HDAC9: variants seen among roughly 807,000 people sequenced by gnomAD.
HDAC9 encodes the protein histone deacetylase 9.
Under a neutral mutation model 139.4 loss-of-function variants are expected in HDAC9, and 41 were observed. The ratio of observed to expected loss-of-function variants is 0.29; its 90% CI spans 0.23 to 0.38. The LOEUF is 0.38. Ranked by LOEUF, HDAC9 falls within the 10% of genes least tolerant of loss-of-function variation. The pLI, the probability that HDAC9 is intolerant of heterozygous loss-of-function variation, is 1.00. For synonymous variants in HDAC9, 517 were observed against 476.2 expected (o/e 1.09, Z -1.12); for missense variants, 1,147 against 1,297.0 (o/e 0.88, Z 1.78).
At chr7:18,416,854 T>C (rs982606985) in intron 1 of HDAC9, among the ~76,000 whole-genome samples, 2 of 152,158 alleles carry the variant, frequency 1.3e-5, no homozygotes, top group African/African-American at 4.8e-5. Context: ...TTTGTCTCTT[T>C]GTGTGTGATT....
At chr7:18,367,546 A>G (rs1784282459) in intron 1 of HDAC9, among the ~76,000 whole-genome samples, 1 of 152,112 alleles carries the variant, frequency 6.6e-6, no homozygotes, top group Admixed American at 6.6e-5. Flanking sequence ...CTGCACTTTA[A>G]TATTTCTTCC....
At chr7:18,237,116 T>A (rs762261521) in intron 2 of HDAC9, among the ~76,000 whole-genome samples, 2 of 152,188 alleles carry the variant, frequency 1.3e-5, no homozygotes, top group Non-Finnish European at 2.9e-5. Context: ...GTCCCGCATC[T>A]TTGGCAGGCT....
At chr7:18,800,464 A>C (rs995031055) in intron 17 of HDAC9, among the ~76,000 whole-genome samples, 1 of 152,176 alleles carries the variant, frequency 6.6e-6, no homozygotes, top group African/African-American at 2.4e-5. Context: ...TTTTTAGATG[A>C]TTGAGTCTAT....
chr7:18,640,642 A>G (rs377204319), intron 8 of HDAC9, among the ~76,000 whole-genome samples: 1 of 151,776 alleles, frequency 6.6e-6, no homozygotes, highest in Non-Finnish European at 1.5e-5. Flanking sequence ...TACATCATAT[A>G]TATTTTTTAC....
At chr7:18,175,857 T>G (rs1399156985) in intron 2 of HDAC9, among the ~76,000 whole-genome samples, 1 of 146,472 alleles carries the variant, frequency 6.8e-6, no homozygotes, top group South Asian at 2.3e-4. Context: ...TCCTCACATA[T>G]CATTGCATAA....
chr7:18,399,450 T>C (rs1787340865), intron 1 of HDAC9, among the ~76,000 whole-genome samples: 1 of 152,146 alleles, frequency 6.6e-6, no homozygotes, highest in Non-Finnish European at 1.5e-5. Flanking sequence ...TTCAGCTAAA[T>C]TTAGATTTTA....
chr7:18,544,961 A>T (rs539204992), intron 2 of HDAC9, among the ~76,000 whole-genome samples: 1 of 152,182 alleles, frequency 6.6e-6, no homozygotes, highest in African/African-American at 2.4e-5. Context: ...TTGGTTGTCA[A>T]AACTGAGCGG....
intron 2 of HDAC9, among the ~76,000 whole-genome samples, chr7:18,229,993 G>C (rs903151394): frequency 1.2e-4 from 19 of 152,144 alleles, no homozygotes; most frequent in African/African-American, 3.9e-4. Context: ...GAGAAAAATA[G>C]TGGCATTTCC....
At position 18,157,296 on chromosome 7, in the gene HDAC9, A is replaced by G. The variant is rs1787284992; in HGVS notation, c.-96-4933A>G. ...CCTCGGTAGTAGCTAATAATGTTGA[A>G]CATCACTCTAGGAGTAATCACAGAT... On this transcript the variant is annotated intron_variant, in intron 1 of 12. Coordinates refer to the HDAC9 transcript ENST00000417496. 2.0e-5 allele frequency among the ~76,000 whole-genome samples: 3 copies of G among 152,160 alleles called. No homozygotes were observed. In the South Asian group the frequency reaches 6.2e-4, roughly 32 times the overall value.
At chr7:18,932,010 G>A (rs916281847) in intron 22 of HDAC9, among the ~76,000 whole-genome samples, 3 of 152,204 alleles carry the variant, frequency 2.0e-5, no homozygotes, top group Non-Finnish European at 1.5e-5. Context: ...TAATGCATCG[G>A]TACTGGCTTA....
chr7:18,875,888 A>G (rs1365154959), intron 22 of HDAC9, among the ~76,000 whole-genome samples: 3 of 152,162 alleles, frequency 2.0e-5, no homozygotes, highest in African/African-American at 7.2e-5. Context: ...TCAAGTTGAG[A>G]TAAACCCAAA....
intron 2 of HDAC9, among the ~76,000 whole-genome samples, chr7:18,558,923 C>T (rs948444213): frequency 3.3e-5 from 5 of 152,180 alleles, no homozygotes; most frequent in Non-Finnish European, 7.3e-5. Context: ...TGTTCCATAG[C>T]TGCTTTGCCA....
intron 2 of HDAC9, among the ~76,000 whole-genome samples, chr7:18,234,874 G>A (rs1434299228): frequency 6.6e-6 from 1 of 152,224 alleles, no homozygotes; most frequent in African/African-American, 2.4e-5. Context: ...AACATTTGGA[G>A]ATGGAGAGAA....
intron 22 of HDAC9, among the ~76,000 whole-genome samples, chr7:18,900,149 T>C (rs1801563884): frequency 6.6e-6 from 1 of 152,170 alleles, no homozygotes; most frequent in Non-Finnish European, 1.5e-5. Flanking sequence ...TTGCTTTAAT[T>C]GTGATACTCT....
chr7:18,333,620 G>A (rs1438012695), intron 1 of HDAC9, among the ~76,000 whole-genome samples: 2 of 151,394 alleles, frequency 1.3e-5, no homozygotes, highest in African/African-American at 4.8e-5. Context: ...CACCTTATGA[G>A]GTGCAGCCAA....
intron 1 of HDAC9, among the ~76,000 whole-genome samples, chr7:18,373,961 G>A (rs1025101303): frequency 6.6e-6 from 1 of 151,832 alleles, no homozygotes; most frequent in African/African-American, 2.4e-5. Flanking sequence ...TAATGGGGGA[G>A]ATATTAATTT....
chr7:18,500,591 G>A (rs1798102892), intron 2 of HDAC9, among the ~76,000 whole-genome samples: 1 of 152,144 alleles, frequency 6.6e-6, no homozygotes, highest in Non-Finnish European at 1.5e-5. Context: ...GAAGAAAACT[G>A]AGTAGGTATC....
rs559329822 is a variant in HDAC9, at chr7:18,710,782, C to G, written c.1732-16798C>G. 2.0e-5 allele frequency among the ~76,000 whole-genome samples: 3 copies of G among 152,260 alleles called. No homozygotes were observed. The South Asian group carries it at 6.2e-4, about 32-fold the overall frequency. ...AGGAAAGCCGCTGAAGTTTAAATAA[C>G]AGAAAAGAGCACATGGATAGAGAAA... is the stretch of plus-strand genomic sequence containing the variant. On this transcript the variant is annotated intron_variant, in intron 12 of 25. Coordinates refer to ENST00000686413, the MANE Select transcript of HDAC9 (RefSeq NM_178425.4).
At chr7:18,442,822 C>T (rs1038826617) in intron 1 of HDAC9, among the ~76,000 whole-genome samples, 2 of 152,096 alleles carry the variant, frequency 1.3e-5, no homozygotes, top group African/African-American at 4.8e-5. Flanking sequence ...GTTTGTCTAC[C>T]TCCCCAGAGG....
Sources: allele counts gnomAD v4.1 joint callset (sites outside exome capture counted in the v4.1 genomes callset), GRCh38; gene constraint gnomAD v4.1.1; transcripts MANE v1.5; gene names NCBI Gene and HGNC (gene_info 2026-07-23, HGNC 2026-07-21).